Variants in MBNL2 observed in about 807,000 individuals in gnomAD.
MBNL2 encodes the protein muscleblind like splicing regulator 2.
MBNL2 carries 17 observed loss-of-function variants against 41.9 expected under a neutral mutation model. The observed-to-expected ratio is 0.41, with a 90% CI of 0.28 to 0.61. MBNL2 has a LOEUF of 0.61. Among genes scored for constraint, MBNL2 ranks in the 20% least tolerant of loss-of-function variants. MBNL2 has a pLI of 0.35. For missense variants in MBNL2, 336 were observed against 505.6 expected, an observed-to-expected ratio of 0.66 and a Z score of 3.22; for synonymous variants, 195 against 182.9, an observed-to-expected ratio of 1.07 and a Z score of -0.53.
chr13:97,382,657 T>C (rs116100918), intron 8 of MBNL2, among the ~76,000 whole-genome samples: 4,371 of 151,618 alleles, frequency 0.029, 82 homozygotes, highest in Middle Eastern at 0.051. Flanking sequence ...GATGCCATGG[T>C]TTCATCTGCC....
At chr13:97,361,863 G>A (rs762805169) in intron 7 of MBNL2, among the ~76,000 whole-genome samples, 55 of 147,510 alleles carry the variant, frequency 3.7e-4, no homozygotes, top group Admixed American at 1.3e-3. Context: ...TCCGCCTCCC[G>A]GGTTCAAGAG....
chr13:97,378,232 C>T (rs1292829383), intron 8 of MBNL2, among the ~76,000 whole-genome samples: 1 of 145,858 alleles, frequency 6.9e-6, no homozygotes. Flanking sequence ...TGCTTACTAT[C>T]CCCAAGCACT....
the MBNL2 span, among the ~76,000 whole-genome samples, chr13:97,154,792 A>AGGAC: frequency 6.8e-6 from 1 of 146,168 alleles, no homozygotes; most frequent in African/African-American, 2.5e-5. Context: ...AAATGGTATA[A>AGGAC]GGATGGATGG....
chr13:97,329,575 G>A (rs1020181230), intron 2 of MBNL2, among the ~76,000 whole-genome samples: 7 of 12,856 alleles, frequency 5.4e-4, no homozygotes, highest in African/African-American at 1.8e-3. Context: ...CATTCTCCTG[G>A]CACACGCTGC....
chr13:97,389,134 G>A (rs2066180593), intron 8 of MBNL2, among the ~76,000 whole-genome samples: 1 of 152,118 alleles, frequency 6.6e-6, no homozygotes, highest in African/African-American at 2.4e-5. Flanking sequence ...GTGCAGTCTG[G>A]GTGAGACTAG....
At chr13:97,222,923 G>T (rs902389724) in intron 1 of MBNL2, among the ~76,000 whole-genome samples, 6 of 151,888 alleles carry the variant, frequency 4.0e-5, no homozygotes, top group African/African-American at 1.5e-4. Context: ...TGCAATTAAG[G>T]ATTAAAAAAA....
intron 2 of MBNL2, among the ~76,000 whole-genome samples, chr13:97,312,457 A>T (rs147499208): frequency 3.2e-4 from 48 of 152,234 alleles, no homozygotes; most frequent in African/African-American, 1.2e-3. Flanking sequence ...CTTTTACTGG[A>T]GGTAGGTAAT....
intron 5 of MBNL2, among the ~76,000 whole-genome samples, chr13:97,352,061 T>TAAATAAATAATA (rs377716664): frequency 1.6e-5 from 2 of 126,376 alleles, no homozygotes; most frequent in African/African-American, 2.8e-5. Context: ...AATAAATAAA[T>TAAATAAATAATA]AATAAATAAA....
chr13:97,274,704 T>A (rs1029239303), intron 1 of MBNL2, among the ~76,000 whole-genome samples: 3 of 152,192 alleles, frequency 2.0e-5, no homozygotes, highest in African/African-American at 7.2e-5. Flanking sequence ...ACTTTAGTCC[T>A]TTATTCATGC....
intron 8 of MBNL2, among the ~76,000 whole-genome samples, chr13:97,382,558 G>T (rs2065554722): frequency 6.6e-6 from 1 of 152,156 alleles, no homozygotes; most frequent in Non-Finnish European, 1.5e-5. Flanking sequence ...AATCACAAAT[G>T]TTGGGTAAGG....
chr13:97,181,673 G>A, the MBNL2 span, among the ~76,000 whole-genome samples: 1 of 152,194 alleles, frequency 6.6e-6, no homozygotes, highest in Non-Finnish European at 1.5e-5. Flanking sequence ...TGACTTTGGT[G>A]AGTGTAATAT....
the MBNL2 span, among the ~76,000 whole-genome samples, chr13:97,157,711 A>G: frequency 6.7e-6 from 1 of 148,296 alleles, no homozygotes; most frequent in Non-Finnish European, 1.5e-5. Context: ...TGATTTGCGT[A>G]TATTGAACCA....
intron 2 of MBNL2, among the ~76,000 whole-genome samples, chr13:97,286,400 A>G (rs2054445926): frequency 6.6e-6 from 1 of 152,084 alleles, no homozygotes; most frequent in African/African-American, 2.4e-5. Context: ...ACAGATCCTA[A>G]ACTAGAGCAC....
intron 1 of MBNL2, among the ~76,000 whole-genome samples, chr13:97,258,104 C>T (rs941188225): frequency 9.9e-5 from 15 of 152,042 alleles, no homozygotes; most frequent in Admixed American, 1.3e-4. Flanking sequence ...AAGGAAGGGG[C>T]GGTAGGATGC....
At chr13:97,146,973 G>A in the MBNL2 span, among the ~76,000 whole-genome samples, 2 of 152,146 alleles carry the variant, frequency 1.3e-5, no homozygotes, top group Admixed American at 6.5e-5. Flanking sequence ...ACCTCTTTTT[G>A]TTTTGTATAC....
intron 2 of MBNL2, among the ~76,000 whole-genome samples, chr13:97,294,305 A>C (rs1313764677): frequency 3.3e-5 from 5 of 152,242 alleles, no homozygotes; most frequent in African/African-American, 7.2e-5. Flanking sequence ...ACACATGGAA[A>C]TGTAACACTC....
chr13:97,317,130 G>C (rs1023612601), intron 2 of MBNL2, among the ~76,000 whole-genome samples: 1 of 152,150 alleles, frequency 6.6e-6, no homozygotes, highest in Non-Finnish European at 1.5e-5. Flanking sequence ...TGTATCTAGG[G>C]CTGGGTAACT....
At chr13:97,172,747 G>A in the MBNL2 span, 2 of 152,154 alleles carry the variant, frequency 1.3e-5, no homozygotes, top group African/African-American at 2.4e-5. Context: ...CATCAGTTAA[G>A]AGCCTAGAAC....
At chr13:97,216,353 C>A in the MBNL2 span, among the ~76,000 whole-genome samples, 2 of 152,150 alleles carry the variant, frequency 1.3e-5, no homozygotes, top group Non-Finnish European at 2.9e-5. Flanking sequence ...AATGCAAGGT[C>A]TGTACCCTCA....
Sources: gnomAD v4.1 joint callset for allele counts (sites outside exome capture counted in the v4.1 genomes callset) on GRCh38, gnomAD v4.1.1 for gene constraint, MANE v1.5 for transcripts, NCBI Gene and HGNC (gene_info 2026-07-23, HGNC 2026-07-21) for gene names.